Variants in GLIS3 observed in about 807,000 individuals in gnomAD.
The protein encoded by GLIS3 is GLIS family zinc finger 3.
Under a neutral mutation model 78.6 loss-of-function variants are expected in GLIS3, and 53 were observed. That is an observed-to-expected ratio of 0.67 (90% CI 0.54 to 0.85). The LOEUF is 0.85. GLIS3 is among the 40% of genes least tolerant of loss of function. The probability of loss-of-function intolerance (pLI) is 0.00; values close to 1 mark genes in which losing one functional copy is unlikely to be tolerated. For missense variants in GLIS3, 1,703 were observed against 1,231.1 expected (o/e 1.38, Z -5.74); for synonymous variants, 684 against 509.9 (o/e 1.34, Z -4.60).
chr9:3,962,953 G>A (rs944294921), intron 4 of GLIS3, among the ~76,000 whole-genome samples: 4 of 151,010 alleles, frequency 2.6e-5, no homozygotes, highest in Middle Eastern at 3.2e-3. Flanking sequence ...TTAAGGGGGG[G>A]GGGGGGAGAG....
intron 2 of GLIS3, among the ~76,000 whole-genome samples, chr9:4,320,522 T>A (rs1817508857): frequency 6.6e-6 from 1 of 152,244 alleles, no homozygotes; most frequent in Admixed American, 6.5e-5. Context: ...TTCTAAATTC[T>A]GTAGATTTTA....
intron 2 of GLIS3, among the ~76,000 whole-genome samples, chr9:4,171,551 C>G (rs1816376236): frequency 6.6e-6 from 1 of 152,132 alleles, no homozygotes; most frequent in Admixed American, 6.6e-5. Flanking sequence ...AGGAAAGATT[C>G]TTGCTGGTTG....
chr9:4,019,238 T>C (rs1455206095), intron 4 of GLIS3, among the ~76,000 whole-genome samples: 3 of 152,314 alleles, frequency 2.0e-5, no homozygotes, highest in Admixed American at 2.0e-4. Flanking sequence ...GCTCTCATCT[T>C]TGTGACTCCT....
At chr9:4,055,561 A>G (rs1395990833) in intron 4 of GLIS3, among the ~76,000 whole-genome samples, 1 of 152,368 alleles carries the variant, frequency 6.6e-6, no homozygotes, top group East Asian at 1.9e-4. Context: ...AAACCTCCTC[A>G]GAAGGCTTGC....
At chr9:3,908,740 T>C (rs1416732769) in intron 6 of GLIS3, among the ~76,000 whole-genome samples, 1 of 139,184 alleles carries the variant, frequency 7.2e-6, no homozygotes, top group East Asian at 2.0e-4. Context: ...TACAGGATTA[T>C]TCTGTTAATG....
At chr9:3,855,937 G>A in intron 9 of GLIS3, 72 bp downstream of exon 9, 2 of 1,518,666 alleles carry the variant, frequency 1.3e-6, no homozygotes, top group Non-Finnish European at 9.1e-7. Context: ...ATCCACGACA[G>A]GTAACTAAGA....
chr9:4,162,304 G>A (rs557372994), intron 2 of GLIS3, among the ~76,000 whole-genome samples: 1 of 152,098 alleles, frequency 6.6e-6, no homozygotes, highest in Admixed American at 6.5e-5. Flanking sequence ...ATCTACAAAA[G>A]CTCTATCTCC....
chr9:4,455,150 GC>G, the GLIS3 span, among the ~76,000 whole-genome samples: 1 of 152,174 alleles, frequency 6.6e-6, no homozygotes, highest in Non-Finnish European at 1.5e-5. Flanking sequence ...AGAGCCTTAA[GC>G]CTGCCTTTGT....
intron 4 of GLIS3, among the ~76,000 whole-genome samples, chr9:4,113,654 C>G (rs1831404099): frequency 6.6e-6 from 1 of 152,340 alleles, no homozygotes; most frequent in Non-Finnish European, 1.5e-5. Context: ...CCTTCCACAG[C>G]TTACAATAAA....
intron 4 of GLIS3, among the ~76,000 whole-genome samples, chr9:3,984,448 T>C (rs557515180): frequency 9.2e-5 from 14 of 152,354 alleles, no homozygotes; most frequent in Admixed American, 5.2e-4. Flanking sequence ...GGGAATTGCA[T>C]GGGCCCTGTA....
At chr9:3,839,772 G>A (rs774273543) in intron 9 of GLIS3, among the ~76,000 whole-genome samples, 11 of 152,128 alleles carry the variant, frequency 7.2e-5, no homozygotes, top group Non-Finnish European at 1.2e-4. Context: ...GTTTCTCACT[G>A]CCAGGTTGCA....
intron 2 of GLIS3, chr9:4,151,159 T>G (rs1019154742): frequency 3.3e-5 from 5 of 152,166 alleles, no homozygotes; most frequent in Non-Finnish European, 7.3e-5. Flanking sequence ...TCTGTTTCAG[T>G]CCACAGGTTG....
the GLIS3 span, among the ~76,000 whole-genome samples, chr9:4,416,553 T>C: frequency 6.6e-6 from 1 of 152,252 alleles, no homozygotes; most frequent in East Asian, 1.9e-4. Flanking sequence ...CCTTGCTAAA[T>C]TGTCATATTT....
intron 7 of GLIS3, among the ~76,000 whole-genome samples, chr9:3,892,596 T>C (rs1018332451): frequency 1.3e-5 from 2 of 152,214 alleles, no homozygotes; most frequent in Non-Finnish European, 2.9e-5. Flanking sequence ...TTTGCTATTC[T>C]TAAGATTTTC....
the GLIS3 span, among the ~76,000 whole-genome samples, chr9:4,379,739 G>A: frequency 9.3e-3 from 1,422 of 152,308 alleles, 20 homozygotes; most frequent in African/African-American, 0.033. Context: ...CATTCGCAGT[G>A]TCCCTAGCAA....
chr9:4,086,125 C>T (rs987991672), intron 4 of GLIS3, among the ~76,000 whole-genome samples: 1 of 152,198 alleles, frequency 6.6e-6, no homozygotes, highest in African/African-American at 2.4e-5. Context: ...ACCTCAACCA[C>T]CAGATGTAAC....
intron 2 of GLIS3, among the ~76,000 whole-genome samples, chr9:4,167,699 T>A (rs1815992722): frequency 6.6e-6 from 1 of 152,194 alleles, no homozygotes; most frequent in Non-Finnish European, 1.5e-5. Context: ...AATTTGGGAT[T>A]GCCTGATACC....
chr9:4,477,529 C>G, the GLIS3 span, among the ~76,000 whole-genome samples: 689 of 152,164 alleles, frequency 4.5e-3, 5 homozygotes, highest in African/African-American at 0.015. Flanking sequence ...ATCCTCCCCC[C>G]TCGGTCTCTG....
intron 7 of GLIS3, among the ~76,000 whole-genome samples, chr9:3,892,986 G>T (rs544361805): frequency 2.0e-5 from 3 of 152,234 alleles, no homozygotes; most frequent in South Asian, 4.1e-4. Context: ...AGGGTCACAT[G>T]TACAGGTTTG....
Sources: gnomAD v4.1 joint callset for allele counts (sites outside exome capture counted in the v4.1 genomes callset) on GRCh38, gnomAD v4.1.1 for gene constraint, MANE v1.5 for transcripts, NCBI Gene and HGNC (gene_info 2026-07-23, HGNC 2026-07-21) for gene names.